TMEM132C: variants seen among roughly 807,000 people sequenced by gnomAD.
TMEM132C encodes the protein transmembrane protein 132C.
A neutral mutation model predicts 61.4 loss-of-function variants in TMEM132C; 29 were observed. The observed-to-expected ratio is 0.47, with a 90% CI of 0.35 to 0.64. The LOEUF is 0.64. TMEM132C is among the 30% of genes least tolerant of loss of function. The pLI, the probability that TMEM132C is intolerant of heterozygous loss-of-function variation, is 0.00. For missense variants in TMEM132C, 1,408 were observed against 1,476.9 expected, an observed-to-expected ratio of 0.95 and a Z score of 0.76; for synonymous variants, 656 against 633.1, an observed-to-expected ratio of 1.04 and a Z score of -0.54.
intron 2 of TMEM132C, among the ~76,000 whole-genome samples, chr12:128,452,155 G>A (rs189960171): frequency 6.6e-6 from 1 of 152,070 alleles, no homozygotes; most frequent in Non-Finnish European, 1.5e-5. Context: ...GTACAGTGGT[G>A]CGATCATGGC....
At chr12:128,284,454 A>G (rs1295862088) in intron 1 of TMEM132C, among the ~76,000 whole-genome samples, 1 of 152,230 alleles carries the variant, frequency 6.6e-6, no homozygotes, top group Non-Finnish European at 1.5e-5. Flanking sequence ...GTTTGGACCT[A>G]CTGGGTCTAT....
At chr12:128,390,148 G>T (rs1228830887) in intron 1 of TMEM132C, among the ~76,000 whole-genome samples, 1 of 152,160 alleles carries the variant, frequency 6.6e-6, no homozygotes, top group Non-Finnish European at 1.5e-5. Flanking sequence ...TGGGATTACA[G>T]GTGTGAGCCA....
intron 1 of TMEM132C, among the ~76,000 whole-genome samples, chr12:128,275,196 G>A (rs973650168): frequency 1.3e-4 from 20 of 152,146 alleles, no homozygotes; most frequent in African/African-American, 4.1e-4. Context: ...GTACTGGTCC[G>A]TGGCCTATTA....
chr12:128,381,269 G>C (rs1874388585), intron 1 of TMEM132C, among the ~76,000 whole-genome samples: 1 of 152,174 alleles, frequency 6.6e-6, no homozygotes, highest in South Asian at 2.1e-4. Flanking sequence ...ATGGACTTTA[G>C]CTAGTAGGTG....
At chr12:128,508,618 G>A (rs755023563) in intron 2 of TMEM132C, among the ~76,000 whole-genome samples, 19 of 152,318 alleles carry the variant, frequency 1.2e-4, no homozygotes, top group South Asian at 2.1e-4. Flanking sequence ...GAGCAAGGCC[G>A]TGGCTCCGGA....
intron 3 of TMEM132C, among the ~76,000 whole-genome samples, chr12:128,553,302 CCTT>C (rs1221065848): frequency 6.6e-6 from 1 of 152,072 alleles, no homozygotes. Context: ...ATTTTCTTCT[CCTT>C]ACCTTTTTAT....
intron 3 of TMEM132C, among the ~76,000 whole-genome samples, chr12:128,578,850 T>G (rs574411775): frequency 6.6e-6 from 1 of 152,270 alleles, no homozygotes; most frequent in African/African-American, 2.4e-5. Flanking sequence ...TGCCCGCCTC[T>G]TCCTCCCAAA....
chr12:128,437,784 A>T (rs1464474893), intron 2 of TMEM132C: 1 of 152,200 alleles, frequency 6.6e-6, no homozygotes, highest in Non-Finnish European at 1.5e-5. Context: ...CTAGACTTGG[A>T]GTAGAAACTC....
At position 128,637,221 on chromosome 12, in the gene TMEM132C, C is replaced by A. The variant is rs1001786510; in HGVS notation, c.1305+20886C>A. On this transcript the variant is annotated intron_variant, in intron 4 of 8. Coordinates refer to ENST00000435159, the MANE Select transcript of TMEM132C (RefSeq NM_001136103.3). Reference sequence around the variant, plus strand: ...TTTTCCAAGAGGATTGTGAGAAATCCTCCCCACAGCCTACAATCCCCACAG... The same window carrying A: ...TTTTCCAAGAGGATTGTGAGAAATCATCCCCACAGCCTACAATCCCCACAG... 2.0e-5 allele frequency among the ~76,000 whole-genome samples: 3 copies of A among 152,240 alleles called. No homozygotes were observed. In the East Asian group the frequency reaches 5.8e-4, roughly 29 times the overall value.
At chr12:128,419,866 T>C (rs1243444290) in intron 2 of TMEM132C, among the ~76,000 whole-genome samples, 1 of 152,140 alleles carries the variant, frequency 6.6e-6, no homozygotes, top group Admixed American at 6.5e-5. Context: ...CCTGCCTGCA[T>C]GAAGCTGATT....
At chr12:128,517,141 G>A (rs893126219) in intron 2 of TMEM132C, among the ~76,000 whole-genome samples, 1 of 151,846 alleles carries the variant, frequency 6.6e-6, no homozygotes, top group African/African-American at 2.4e-5. Flanking sequence ...TGGGGCAGGA[G>A]AATCGCTTGA....
intron 1 of TMEM132C, among the ~76,000 whole-genome samples, chr12:128,388,274 C>T (rs1463040635): frequency 6.6e-6 from 1 of 152,224 alleles, no homozygotes; most frequent in African/African-American, 2.4e-5. Flanking sequence ...ATCCGAAGAC[C>T]CAAGGGACGG....
At chr12:128,591,593 T>G (rs1409419620) in intron 3 of TMEM132C, among the ~76,000 whole-genome samples, 1 of 152,334 alleles carries the variant, frequency 6.6e-6, no homozygotes, top group East Asian at 1.9e-4. Context: ...TGTTTCCATA[T>G]GATATGTACA....
intron 1 of TMEM132C, among the ~76,000 whole-genome samples, chr12:128,294,986 A>AATAGATAGATAGATAG (rs1555251003): frequency 6.7e-6 from 1 of 150,188 alleles, no homozygotes; most frequent in African/African-American, 2.5e-5. Context: ...ATAAATAAAT[A>AATAGATAGATAGATAG]ATAGATAGAT....
At chr12:128,700,128 T>G (rs1954793801) in intron 8 of TMEM132C, among the ~76,000 whole-genome samples, 10 of 152,138 alleles carry the variant, frequency 6.6e-5, no homozygotes, top group Admixed American at 6.5e-4. Flanking sequence ...GGCCGGCCGC[T>G]CCCCATCTCC....
intron 2 of TMEM132C, among the ~76,000 whole-genome samples, chr12:128,448,217 C>A (rs1870057547): frequency 6.6e-6 from 1 of 152,152 alleles, no homozygotes; most frequent in African/African-American, 2.4e-5. Context: ...GGGATTTGAA[C>A]CCTAATGATA....
chr12:128,522,758 G>A (rs1257257266), intron 2 of TMEM132C, among the ~76,000 whole-genome samples: 1 of 152,162 alleles, frequency 6.6e-6, no homozygotes, highest in Admixed American at 6.5e-5. Flanking sequence ...CTTTGTTTGA[G>A]AATATTCTAT....
At position 128,415,007 on chromosome 12, in the gene TMEM132C, C is replaced by T. The variant is rs1352538651; in HGVS notation, c.361C>T (p.Pro121Ser). ...DLMLTSNFLG[P>S]TNKFSFDWKL... ...GATGTTGACTTCAAACTTTTTAGGT[C>T]CAACCAATAAGTTTAGTTTTGATTG... The change falls in exon 2 of 9, where the codon CCA becomes TCA. Residue 121 changes from proline to serine, a missense_variant. By Grantham distance (74) the Pro-to-Ser change is moderately conservative. Transcript: ENST00000435159. This position sits in a 1 kb window ranked among gnomAD's most constrained non-coding sequence, Gnocchi z 5.8. 8 of 1,554,484 alleles carry T rather than the reference C, an allele frequency of 5.1e-6. No homozygotes were observed. In the South Asian group the frequency reaches 7.1e-5, roughly 14 times the overall value.
chr12:128,467,814 A>G (rs996037437), intron 2 of TMEM132C, among the ~76,000 whole-genome samples: 3 of 152,208 alleles, frequency 2.0e-5, no homozygotes, highest in South Asian at 2.1e-4. Flanking sequence ...AACAGGCACA[A>G]GCATCTGTCC....
Sources: gnomAD v4.1 joint callset for allele counts (sites outside exome capture counted in the v4.1 genomes callset) on GRCh38, gnomAD v4.1.1 for gene constraint, Gnocchi (gnomAD v3.1) non-coding constraint, MANE v1.5 for transcripts, NCBI Gene and HGNC (gene_info 2026-07-23, HGNC 2026-07-21) for gene names.